The following HS3ST3A1 variants were observed in gnomAD, a reference collection of about 807,000 sequenced individuals.
The protein encoded by HS3ST3A1 is heparan sulfate glucosamine 3-O-sulfotransferase 3A1.
In HS3ST3A1, 19 loss-of-function variants were observed where a neutral mutation model predicts 25.7. The observed-to-expected ratio is 0.74, with a 90% CI of 0.52 to 1.08. The LOEUF (loss-of-function observed/expected upper bound fraction) is 1.08. HS3ST3A1 is among the 50% of genes least tolerant of loss of function. HS3ST3A1 has a pLI of 0.00. For synonymous variants in HS3ST3A1, 226 were observed against 278.6 expected (o/e 0.81, Z 1.88); for missense variants, 459 against 594.3 (o/e 0.77, Z 2.37).
intron 1 of HS3ST3A1, among the ~76,000 whole-genome samples, chr17:13,598,341 CTG>C (rs1908635988): frequency 6.6e-6 from 1 of 152,006 alleles, no homozygotes; most frequent in Non-Finnish European, 1.5e-5. Context: ...TGAAAGAGAA[CTG>C]TGGGGAAATT....
chr17:13,512,186 C>G (rs981500063), intron 1 of HS3ST3A1, among the ~76,000 whole-genome samples: 1 of 151,494 alleles, frequency 6.6e-6, no homozygotes, highest in African/African-American at 2.4e-5. Flanking sequence ...GTAGTCCCAG[C>G]TACTGGGGAG....
intron 1 of HS3ST3A1, among the ~76,000 whole-genome samples, chr17:13,548,344 T>C (rs928291806): frequency 6.6e-6 from 1 of 152,128 alleles, no homozygotes; most frequent in Non-Finnish European, 1.5e-5. Flanking sequence ...CTTCTTTTAA[T>C]AAGGGCACTA....
intron 1 of HS3ST3A1, among the ~76,000 whole-genome samples, chr17:13,539,427 G>A (rs956690251): frequency 9.2e-5 from 14 of 152,224 alleles, no homozygotes; most frequent in Non-Finnish European, 1.5e-4. Context: ...ACCCTAGCGT[G>A]GATGAGGGTA....
intron 1 of HS3ST3A1, among the ~76,000 whole-genome samples, chr17:13,556,371 G>A (rs951910597): frequency 2.0e-5 from 3 of 152,000 alleles, no homozygotes; most frequent in African/African-American, 7.3e-5. Flanking sequence ...AGTGGGGCCT[G>A]GTGGCGGGCA....
intron 1 of HS3ST3A1, among the ~76,000 whole-genome samples, chr17:13,596,418 TACACACACAC>T (rs10535139): frequency 3.5e-4 from 51 of 146,444 alleles, no homozygotes; most frequent in South Asian, 1.1e-3. Context: ...TGCGCGTGCG[TACACACACAC>T]ACACACACAC....
intron 1 of HS3ST3A1, among the ~76,000 whole-genome samples, chr17:13,568,999 G>A (rs1278931975): frequency 6.6e-6 from 1 of 152,052 alleles, no homozygotes; most frequent in Non-Finnish European, 1.5e-5. Context: ...CTACAGAGAG[G>A]GCAAGCTTCC....
chr17:13,522,881 CAA>C (rs1491340610), intron 1 of HS3ST3A1, among the ~76,000 whole-genome samples: 1 of 150,324 alleles, frequency 6.7e-6, no homozygotes, highest in Non-Finnish European at 1.5e-5. Flanking sequence ...CACACACACA[CAA>C]AGCAAGTACA....
chr17:13,534,685 T>C (rs767662997), intron 1 of HS3ST3A1, among the ~76,000 whole-genome samples: 3 of 151,554 alleles, frequency 2.0e-5, no homozygotes, highest in Non-Finnish European at 2.9e-5. Flanking sequence ...GCCATGATGC[T>C]GCCACTGCCA....
intron 1 of HS3ST3A1, among the ~76,000 whole-genome samples, chr17:13,544,118 G>GA (rs1341395200): frequency 2.6e-5 from 4 of 151,884 alleles, no homozygotes; most frequent in African/African-American, 9.7e-5. Flanking sequence ...TCCAAGAAAA[G>GA]AAAAAATATA....
intron 1 of HS3ST3A1, among the ~76,000 whole-genome samples, chr17:13,504,932 GA>G (rs1905610338): frequency 1.3e-5 from 2 of 152,162 alleles, no homozygotes; most frequent in Non-Finnish European, 1.5e-5. Context: ...TCAAGAGTGT[GA>G]ACTCAGAAGA....
chr17:13,543,047 C>T (rs1906980284), intron 1 of HS3ST3A1, among the ~76,000 whole-genome samples: 1 of 152,132 alleles, frequency 6.6e-6, no homozygotes, highest in African/African-American at 2.4e-5. Flanking sequence ...TCCTACATAC[C>T]TCGCCCTATG....
intron 1 of HS3ST3A1, among the ~76,000 whole-genome samples, chr17:13,587,683 C>A (rs1908312314): frequency 6.6e-6 from 1 of 152,068 alleles, no homozygotes; most frequent in Non-Finnish European, 1.5e-5. Context: ...ATAAACTAAA[C>A]ACACTCAAGT....
At position 13,537,897 on chromosome 17, in the gene HS3ST3A1, C is replaced by T. The variant is rs73978676; in HGVS notation, c.600-41079G>A. On this transcript the variant is annotated intron_variant, in intron 1 of 1. Coordinates refer to ENST00000284110, the MANE Select transcript of HS3ST3A1 (RefSeq NM_006042.3). ...AAGAAATCTTTATTTCATCAGCCTCCACTTTATGCCATCAATATTTCTGTA... is the reference window on the plus strand; with the variant it reads ...AAGAAATCTTTATTTCATCAGCCTCTACTTTATGCCATCAATATTTCTGTA... Among the ~76,000 whole-genome samples the T allele has an allele frequency of 3.3e-3, 497 of 152,328 alleles. 3 individuals are homozygous for T. The highest frequency in any genetic ancestry group is 0.011 in the African/African-American group (465 of 41,568).
intron 1 of HS3ST3A1, among the ~76,000 whole-genome samples, chr17:13,593,035 T>C (rs1908471154): frequency 6.6e-6 from 1 of 152,162 alleles, no homozygotes; most frequent in African/African-American, 2.4e-5. Flanking sequence ...TTTGCTCCTA[T>C]GGAAAGTTTC....
intron 1 of HS3ST3A1, among the ~76,000 whole-genome samples, chr17:13,523,659 C>T (rs1197116917): frequency 1.3e-5 from 2 of 152,136 alleles, no homozygotes; most frequent in Admixed American, 6.6e-5. Flanking sequence ...ACGGAAAAAT[C>T]TCCAATAGTT....
intron 1 of HS3ST3A1, among the ~76,000 whole-genome samples, chr17:13,501,248 A>G (rs571389171): frequency 4.0e-5 from 6 of 151,024 alleles, no homozygotes; most frequent in Non-Finnish European, 8.8e-5. Context: ...GGTAAATTTT[A>G]TGTTATGTGT....
chr17:13,500,299 C>T (rs773085587), intron 1 of HS3ST3A1, among the ~76,000 whole-genome samples: 1 of 152,168 alleles, frequency 6.6e-6, no homozygotes, highest in Non-Finnish European at 1.5e-5. Flanking sequence ...CAATTATTGG[C>T]AAAACCGCAA....
rs58701744 is a variant in HS3ST3A1 at position 13,526,474 on chromosome 17, TTATATATATATATATATATATATA to T, written c.600-29680_600-29657del. ...TTGAACTTGGATACAACTTTAATTT[TTATATATATATATATATATATATA>T]TATATATATATATATATTATTGGGT... On this transcript the variant is annotated intron_variant, in intron 1 of 1. Coordinates refer to ENST00000284110, the MANE Select transcript of HS3ST3A1 (RefSeq NM_006042.3). Among the ~76,000 whole-genome samples the T allele has an allele frequency of 1.6e-4, 12 of 76,280 alleles. 1 individual carries two copies. The highest frequency in any genetic ancestry group is 9.4e-4 in the South Asian group (2 of 2,138). The allele number at this position is 76,280 out of a possible 152,430, so 50.0% of individuals were successfully genotyped here.
In HS3ST3A1 at chr17:13,535,028, A is replaced by AAAATAAATAAATAAATAAAT. The variant is rs71312976; in HGVS notation, c.600-38230_600-38211dup. ...GCAACAAGAGCAAAACTCCATCTCA[A>AAAATAAATAAATAAATAAAT]AAATAAATAAATAAATAAATAAATA... On this transcript the variant is annotated intron_variant, in intron 1 of 1. Coordinates refer to ENST00000284110, the MANE Select transcript of HS3ST3A1 (RefSeq NM_006042.3). Among the ~76,000 whole-genome samples the AAAATAAATAAATAAATAAAT allele has an allele frequency of 5.3e-3, 787 of 149,432 alleles. 2 individuals are homozygous for AAAATAAATAAATAAATAAAT. The highest frequency in any genetic ancestry group is 0.019 in the African/African-American group (751 of 40,134).
Sources: allele counts gnomAD v4.1 joint callset (sites outside exome capture counted in the v4.1 genomes callset), GRCh38; gene constraint gnomAD v4.1.1; transcripts MANE v1.5; gene names NCBI Gene and HGNC (gene_info 2026-07-23, HGNC 2026-07-21).